The following RIMKLB variants were observed in gnomAD, a reference collection of about 807,000 sequenced individuals.
The protein encoded by RIMKLB is ribosomal modification protein rimK like family member B.
A neutral mutation model predicts 32.0 loss-of-function variants in RIMKLB; 7 were observed. The observed-to-expected ratio is 0.22, with a 90% CI of 0.12 to 0.41. RIMKLB has a LOEUF of 0.41. Ranked by LOEUF, RIMKLB falls within the 10% of genes least tolerant of loss-of-function variation. The pLI, the probability that RIMKLB is intolerant of heterozygous loss-of-function variation, is 1.00. For missense variants in RIMKLB, 289 were observed against 498.7 expected, an observed-to-expected ratio of 0.58 and a Z score of 4.00; for synonymous variants, 172 against 185.1, an observed-to-expected ratio of 0.93 and a Z score of 0.57.
intron 2 of RIMKLB, among the ~76,000 whole-genome samples, chr12:8,737,966 G>A (rs1456196971): frequency 6.6e-6 from 1 of 152,006 alleles, no homozygotes; most frequent in African/African-American, 2.4e-5. Context: ...CGCCTGCCTC[G>A]GCCTCCCAAA....
chr12:8,697,891 C>G (rs1176704123), upstream of RIMKLB: 10 of 147,232 alleles, frequency 6.8e-5, no homozygotes, highest in African/African-American at 2.4e-4. Flanking sequence ...GGGGCGCGCG[C>G]CGCTCCTCAG....
rs117648017 is a variant in RIMKLB, at chr12:8,689,629, A to G, written n.219+7811A>G. On this transcript the variant is annotated intron_variant and non_coding_transcript_variant, in intron 1 of 1. Transcript: ENST00000538758. ...CTGTCACGTTTCCCTGGATTTGATT[A>G]AAGTCTCCTTCACTTTTTCCTCACC... Among the ~76,000 whole-genome samples, 556 of 152,170 alleles carry G rather than the reference A, an allele frequency of 3.7e-3. 1 individual carries two copies. Among genetic ancestry groups the G allele is most frequent in the Middle Eastern group, 0.014 (4 of 294 alleles).
chr12:8,772,808 T>C (rs1226190642), intron 5 of RIMKLB, among the ~76,000 whole-genome samples: 1 of 152,220 alleles, frequency 6.6e-6, no homozygotes, highest in East Asian at 1.9e-4. Flanking sequence ...TCTTCCTTCC[T>C]TTTGGCAAGG....
At chr12:8,780,841 C>T (rs1471369455), downstream of RIMKLB, 5 of 152,124 alleles carry the variant, frequency 3.3e-5, no homozygotes, top group Non-Finnish European at 1.5e-5. Context: ...CCTGTAGGTC[C>T]TTGCCTTAAC....
At chr12:8,710,147 C>A (rs944284417) in intron 1 of RIMKLB, among the ~76,000 whole-genome samples, 1 of 150,640 alleles carries the variant, frequency 6.6e-6, no homozygotes, top group East Asian at 1.9e-4. Context: ...CCAACACACC[C>A]GGCTATTTTT....
intron 1 of RIMKLB, among the ~76,000 whole-genome samples, chr12:8,683,073 T>A (rs767266373): frequency 6.6e-6 from 1 of 152,328 alleles, no homozygotes; most frequent in Admixed American, 6.5e-5. Context: ...CCTCCATGTC[T>A]TTTGGAGGCC....
chr12:8,673,376 C>T, the RIMKLB span, among the ~76,000 whole-genome samples: 1 of 152,116 alleles, frequency 6.6e-6, no homozygotes, highest in Admixed American at 6.5e-5. Context: ...ATTTAACAAA[C>T]TACACCAAAA....
rs151121389 is a variant in RIMKLB at position 8,720,129 on chromosome 12, G to A, written c.175+6088G>A. Among the ~76,000 whole-genome samples, 369 of 152,258 alleles carry A rather than the reference G, an allele frequency of 2.4e-3. 4 individuals are homozygous for A. The highest frequency in any genetic ancestry group is 8.4e-3 in the African/African-American group (348 of 41,540). ...AACTTTCAGTGCCAGGATAGAGTCC[G>A]GATTTGAGCCAGTAATGAAGACATT... On this transcript the variant is annotated intron_variant, in intron 2 of 5. Coordinates refer to ENST00000535829, the MANE Select transcript of RIMKLB (RefSeq NM_001297776.2).
chr12:8,776,677 TTTC>T lies in RIMKLB; in HGVS notation c.*2896_*2898del, dbSNP rs1398782978. 1 of 981,842 alleles carries T rather than the reference TTTC, an allele frequency of 1.0e-6. No individual in the cohort carries two copies. Among genetic ancestry groups the T allele is most frequent in the African/African-American group, 1.8e-5 (1 of 57,142 alleles). The allele number at this position is 981,842 out of a possible 1,614,324, so 60.8% of individuals were successfully genotyped here. A position where few individuals can be genotyped will look rare whatever the true frequency, so the allele number is the denominator to read the frequency against. On this transcript the variant is annotated 3_prime_UTR_variant, in exon 6 of 6. Transcript: ENST00000535829. The stretch of plus-strand genomic sequence containing the variant: ...TCTATTTAAAATTTTTAATAGTTTT[TTTC>T]TTTTTTGGTGCCTATAATTGATTGG...
chr12:8,718,994 C>T (rs1272075984), intron 2 of RIMKLB, among the ~76,000 whole-genome samples: 1 of 152,016 alleles, frequency 6.6e-6, no homozygotes, highest in Non-Finnish European at 1.5e-5. Flanking sequence ...GAATAGTTTC[C>T]CTGCACTAAA....
chr12:8,712,960 T>G (rs1218067249), intron 1 of RIMKLB, among the ~76,000 whole-genome samples: 2 of 152,230 alleles, frequency 1.3e-5, no homozygotes, highest in African/African-American at 4.8e-5. Context: ...GTTCTGAAAC[T>G]TGTAACTTTT....
intron 5 of RIMKLB, among the ~76,000 whole-genome samples, chr12:8,758,918 T>TA (rs1259341444): frequency 1.3e-5 from 2 of 152,222 alleles, no homozygotes; most frequent in African/African-American, 2.4e-5. Flanking sequence ...TATGGGTAGA[T>TA]ATCTGATAGA....
chr12:8,701,809 A>G (rs757411189), intron 1 of RIMKLB, among the ~76,000 whole-genome samples: 16 of 151,984 alleles, frequency 1.1e-4, no homozygotes, highest in Non-Finnish European at 2.2e-4. Flanking sequence ...GTTTGAGACC[A>G]GCCTGGCCAA....
chr12:8,749,543 A>G (rs1948446327), intron 2 of RIMKLB, among the ~76,000 whole-genome samples: 1 of 152,124 alleles, frequency 6.6e-6, no homozygotes, highest in Admixed American at 6.6e-5. Flanking sequence ...CACAAATAAA[A>G]CTTTTTCTCA....
At chr12:8,746,417 G>A (rs1948091405) in intron 2 of RIMKLB, among the ~76,000 whole-genome samples, 1 of 151,404 alleles carries the variant, frequency 6.6e-6, no homozygotes, top group Admixed American at 6.6e-5. Context: ...TGGCCAACAT[G>A]GTGAAACCCC....
chr12:8,741,026 G>A (rs1413322290), intron 2 of RIMKLB, among the ~76,000 whole-genome samples: 4 of 152,128 alleles, frequency 2.6e-5, no homozygotes, highest in Non-Finnish European at 5.9e-5. Context: ...GGCCGATATG[G>A]TGAAACCCCA....
intron 1 of RIMKLB, among the ~76,000 whole-genome samples, chr12:8,707,208 G>A (rs1943962299): frequency 1.3e-5 from 2 of 152,136 alleles, no homozygotes; most frequent in South Asian, 4.1e-4. Context: ...CAGGTTAAGT[G>A]CTCAGTTGCC....
At chr12:8,702,456 C>T (rs1200942069) in intron 1 of RIMKLB, among the ~76,000 whole-genome samples, 2 of 152,194 alleles carry the variant, frequency 1.3e-5, no homozygotes, top group Non-Finnish European at 2.9e-5. Flanking sequence ...TTGTTCCTTT[C>T]TTAAATGCTT....
intron 1 of RIMKLB, among the ~76,000 whole-genome samples, chr12:8,706,514 A>T (rs1943896715): frequency 6.7e-6 from 1 of 148,814 alleles, no homozygotes; most frequent in African/African-American, 2.5e-5. Context: ...GCAATGGCAC[A>T]ATCTTGGTTC....
Sources: gnomAD v4.1 joint callset for allele counts (sites outside exome capture counted in the v4.1 genomes callset) on GRCh38, gnomAD v4.1.1 for gene constraint, MANE v1.5 for transcripts, NCBI Gene and HGNC (gene_info 2026-07-23, HGNC 2026-07-21) for gene names.